Variants in RACGAP1 observed in about 807,000 individuals in gnomAD.
The protein encoded by RACGAP1 is Rac GTPase activating protein 1, also known as rac GTPase-activating protein 1.
Under a neutral mutation model 78.1 loss-of-function variants are expected in RACGAP1, and 30 were observed. That is an observed-to-expected ratio of 0.38 (90% CI 0.29 to 0.52). The LOEUF (loss-of-function observed/expected upper bound fraction) is 0.52, where lower values mean the gene tolerates loss of function less well. Among genes scored for constraint, RACGAP1 ranks in the 20% least tolerant of loss-of-function variants. The pLI, the probability that RACGAP1 is intolerant of heterozygous loss-of-function variation, is 0.82. For missense variants in RACGAP1, 587 were observed against 777.1 expected (o/e 0.76, Z 2.91); for synonymous variants, 231 against 264.8 (o/e 0.87, Z 1.24).
intron 1 of RACGAP1, 42 bp from the exon 2 acceptor site, chr12:50,016,761 G>A (rs771133765): frequency 6.9e-5 from 110 of 1,586,614 alleles, no homozygotes; most frequent in Admixed American, 4.1e-4. Context: ...CTGCCTTCTC[G>A]CCCACAACAA....
rs1948059178 is a variant in RACGAP1, at chr12:49,993,765, G to A, written c.1339+366C>T. The stretch of plus-strand genomic sequence containing the variant: ...CCGTCTTAAAAAAAAAAAAAAAAGA[G>A]GCTGGGCACGGTGGCTCACGCCTGT... On this transcript the variant is annotated intron_variant, in intron 12 of 16. Coordinates refer to ENST00000312377, the MANE Select transcript of RACGAP1 (RefSeq NM_001319999.2). Among the ~76,000 whole-genome samples the A allele has an allele frequency of 4.8e-5, 6 of 124,292 alleles. No individual in the cohort carries two copies. The South Asian group carries it at 1.6e-3, about 33-fold the overall frequency. 81.5% of individuals were successfully genotyped at this position (124,292 alleles called of 152,430 possible). A position where few individuals can be genotyped will look rare whatever the true frequency, so the allele number is the denominator to read the frequency against.
chr12:50,011,253 G>A (rs1949306812), intron 2 of RACGAP1, among the ~76,000 whole-genome samples: 1 of 149,462 alleles, frequency 6.7e-6, no homozygotes, highest in Non-Finnish European at 1.5e-5. Flanking sequence ...AGGATCACTT[G>A]AACCCACGAG....
chr12:50,013,992 T>G (rs1325795268), intron 2 of RACGAP1, among the ~76,000 whole-genome samples: 1 of 152,206 alleles, frequency 6.6e-6, no homozygotes, highest in African/African-American at 2.4e-5. Flanking sequence ...GTTACTGAGC[T>G]GGTACCAGAT....
chr12:49,994,170 G>C lies in RACGAP1; in HGVS notation c.1300C>G (p.Leu434Val). The C allele has an allele frequency of 6.2e-7, 1 of 1,613,600 alleles. No homozygotes were observed. Among genetic ancestry groups the C allele is most frequent in the Non-Finnish European group, 8.5e-7 (1 of 1,180,016 alleles). ...DFLRNLKEPL[L>V]TFRLNRAFME... ...AAGGCTCTGTTAAGGCGAAAGGTCAGAAGAGGTTCTTTGAGGTTTCGAAGA... is the reference window on the plus strand; with the variant it reads ...AAGGCTCTGTTAAGGCGAAAGGTCACAAGAGGTTCTTTGAGGTTTCGAAGA... The change falls in exon 12 of 17, where the codon CTG becomes GTG. Residue 434 changes from leucine to valine, a missense_variant. By Grantham distance (32) the Leu-to-Val change is conservative. Transcript: ENST00000312377.
intron 2 of RACGAP1, among the ~76,000 whole-genome samples, chr12:50,009,352 G>C (rs1447436958): frequency 6.6e-6 from 1 of 151,626 alleles, no homozygotes; most frequent in East Asian, 1.9e-4. Context: ...GGAGGAAAGA[G>C]AAGGGAAATT....
intron 8 of RACGAP1, 116 bp from the exon 9 acceptor site, chr12:49,999,387 A>C: frequency 1.5e-6 from 2 of 1,304,174 alleles, no homozygotes; most frequent in Non-Finnish European, 2.1e-6. Flanking sequence ...CAAAAGTGAG[A>C]ACTAATGGCT....
intron 1 of RACGAP1, 51 bp from the exon 2 acceptor site, chr12:50,016,770 A>G (rs1949706880): frequency 6.3e-7 from 1 of 1,575,592 alleles, no homozygotes; most frequent in Non-Finnish European, 8.7e-7. Flanking sequence ...CGCCCACAAC[A>G]AAAGATTCTA....
chr12:50,003,510 G>C (rs1358674937), intron 5 of RACGAP1, among the ~76,000 whole-genome samples: 2 of 152,184 alleles, frequency 1.3e-5, no homozygotes, highest in Non-Finnish European at 2.9e-5. Context: ...GTAACAAATA[G>C]TTGTCACCTG....
At chr12:49,993,587 G>A (rs754918261) in intron 12 of RACGAP1, among the ~76,000 whole-genome samples, 10 of 151,058 alleles carry the variant, frequency 6.6e-5, no homozygotes, top group Non-Finnish European at 1.2e-4. Flanking sequence ...AGGAGTTTGA[G>A]ACCAGCCTGG....
intron 2 of RACGAP1, among the ~76,000 whole-genome samples, chr12:50,010,325 T>C (rs1446398286): frequency 6.6e-6 from 1 of 151,376 alleles, no homozygotes; most frequent in Admixed American, 6.6e-5. Flanking sequence ...TAACTTTTTT[T>C]TTTTTTTCTT....
chr12:50,001,378 A>C, intron 6 of RACGAP1, 126 bp from the exon 7 acceptor site: 3 of 594,296 alleles, frequency 5.0e-6, no homozygotes, highest in East Asian at 3.0e-5. Context: ...ATAACAAACA[A>C]TGTGTTCTCT....
intron 4 of RACGAP1, 61 bp from the exon 5 acceptor site, chr12:50,004,365 A>G: frequency 1.3e-6 from 2 of 1,550,136 alleles, no homozygotes; most frequent in South Asian, 2.4e-5. Context: ...AAATTCACCA[A>G]CATTCAGAAC....
At chr12:50,002,165 G>A (rs1948722597) in intron 6 of RACGAP1, 82 bp downstream of exon 6, 1 of 1,045,768 alleles carries the variant, frequency 9.6e-7, no homozygotes, top group African/African-American at 1.6e-5. Flanking sequence ...AACATGACAG[G>A]AATGCAGTAT....
intron 1 of RACGAP1, chr12:50,019,723 T>TAAATAAATAAATAAATAAATAAATAAAA (rs1397500389): frequency 6.7e-5 from 10 of 149,546 alleles, no homozygotes; most frequent in South Asian, 2.1e-4. Flanking sequence ...AATAAATAAA[T>TAAATAAATAAATAAATAAATAAATAAAA]AAAAAGGTCC....
chr12:50,006,692 T>C (rs1948998522), intron 2 of RACGAP1, 56 bp from the exon 3 acceptor site: 1 of 1,519,656 alleles, frequency 6.6e-7, no homozygotes, highest in Non-Finnish European at 9.0e-7. Context: ...ATAACTGCTC[T>C]AATAAATGAG....
In RACGAP1 at chr12:50,006,462, T is replaced by C; in HGVS notation, c.260A>G (p.Gln87Arg). 1.2e-6 allele frequency: 2 copies of C among 1,614,200 alleles called. No homozygotes were observed. The highest frequency in any genetic ancestry group is 1.7e-6 in the Non-Finnish European group (2 of 1,180,022). Reference protein sequence around the residue: ...NQVDVEIKRRQRAEADCEKLE... With the variant: ...NQVDVEIKRRRRAEADCEKLE... Reference sequence around the variant, plus strand: ...CTTTTCGCAGTCAGCCTCAGCTCTCTGTCTCCGTTTGATCTCTACATCCAC... The same window carrying C: ...CTTTTCGCAGTCAGCCTCAGCTCTCCGTCTCCGTTTGATCTCTACATCCAC... The change falls in exon 3 of 17, where the codon CAG becomes CGG. Residue 87 changes from glutamine (Q) to arginine (R), a missense_variant. Gln to Arg is a conservative substitution (Grantham distance 43). Transcript: ENST00000312377.
chr12:49,992,632 T>A lies in RACGAP1; in HGVS notation c.1363A>T (p.Ile455Leu). 6.2e-7 allele frequency: 1 copy of A among 1,613,378 alleles called. No individual in the cohort carries two copies. The highest frequency in any genetic ancestry group is 8.5e-7 in the Non-Finnish European group (1 of 1,179,830). The change falls in exon 13 of 17, where the codon ATA becomes TTA. Residue 455 changes from isoleucine (I) to leucine (L), a missense_variant. Coordinates refer to ENST00000312377, the MANE Select transcript of RACGAP1 (RefSeq NM_001319999.2). ...CCAACAGCTTGGTACATGGCAGCTA[T>A]GCTGTTGTCTTCATCTGTGATTTCT... ...AAEITDEDNSIAAMYQAVGEL... is the reference protein window; with the variant it reads ...AAEITDEDNSLAAMYQAVGEL...
chr12:49,996,191 G>T (rs971777362), intron 10 of RACGAP1, among the ~76,000 whole-genome samples: 1 of 151,920 alleles, frequency 6.6e-6, no homozygotes, highest in African/African-American at 2.4e-5. Context: ...GCACATGGCT[G>T]TAGTCCCAGC....
Position 49,995,349 on chromosome 12 carries a change from A to AAAAACAAAAC in RACGAP1, c.1045-850_1045-841dup, listed in dbSNP as rs148130509. ...GGCAACAAGAACAAAACTCCCTCTC[A>AAAAACAAAAC]AAAACAAAACAAAACAAAACAAAAC... On this transcript the variant is annotated intron_variant, in intron 10 of 16. Coordinates refer to ENST00000312377, the MANE Select transcript of RACGAP1 (RefSeq NM_001319999.2). Among the ~76,000 whole-genome samples the AAAAACAAAAC allele has an allele frequency of 5.8e-3, 875 of 151,262 alleles. 6 individuals are homozygous for AAAAACAAAAC. The highest frequency in any genetic ancestry group is 8.1e-3 in the Non-Finnish European group (548 of 67,958).
Sources: allele counts gnomAD v4.1 joint callset (sites outside exome capture counted in the v4.1 genomes callset), GRCh38; gene constraint gnomAD v4.1.1; transcripts MANE v1.5; gene names NCBI Gene and HGNC (gene_info 2026-07-23, HGNC 2026-07-21).